The following YRDC variants were observed in gnomAD, a reference collection of about 807,000 sequenced individuals.
YRDC encodes threonylcarbamoyl-AMP synthase.
Under a neutral mutation model 21.5 loss-of-function variants are expected in YRDC, and 17 were observed. The observed-to-expected ratio is 0.79, with a 90% CI of 0.54 to 1.19. The LOEUF is 1.19. Ranked by LOEUF, YRDC falls within the 50% of genes most tolerant of loss-of-function variation. The probability of loss-of-function intolerance (pLI) is 0.00; values close to 1 mark genes in which losing one functional copy is unlikely to be tolerated. For missense variants in YRDC, 380 were observed against 397.1 expected (o/e 0.96, Z 0.37); for synonymous variants, 193 against 176.7 (o/e 1.09, Z -0.73).
rs1412130483 is a variant in YRDC, at chr1:37,803,154, T to G, written c.*771A>C. The G allele has an allele frequency of 6.6e-6, 1 of 152,218 alleles. No homozygotes were observed. Among genetic ancestry groups the G allele is most frequent in the Admixed American group, 6.5e-5 (1 of 15,278 alleles). The allele number at this position is 152,218 out of a possible 1,614,324, so 9.4% of individuals were successfully genotyped here. On this transcript the variant is annotated 3_prime_UTR_variant, in exon 5 of 5. Coordinates refer to ENST00000373044, the MANE Select transcript of YRDC (RefSeq NM_024640.4). Reference sequence around the variant, plus strand: ...AAAAGTCCCTGGCTATAAAGGATAGTGGAGGTTTATTTCCCAATATTCTTC... The same window carrying G: ...AAAAGTCCCTGGCTATAAAGGATAGGGGAGGTTTATTTCCCAATATTCTTC...
rs1350833638 is a variant in YRDC at position 37,806,990 on chromosome 1, G to A, written c.505-14C>T. 1.2e-6 allele frequency: 2 copies of A among 1,614,092 alleles called. No individual in the cohort carries two copies. The highest frequency in any genetic ancestry group is 1.7e-6 in the Non-Finnish European group (2 of 1,180,034). ...AATGCCTACAAGCTGTAAGGCAAGG[G>A]GAAAGGGATCATGAGAAAGGTTGGA... On this transcript the variant is annotated splice_polypyrimidine_tract_variant and intron_variant, in intron 2 of 4. Transcript: ENST00000373044.
In YRDC at chr1:37,807,028, G is replaced by A. The variant is rs566728131; in HGVS notation, c.505-52C>T. The A allele has an allele frequency of 6.2e-6, 10 of 1,613,932 alleles. No homozygotes were observed. The Admixed American group carries it at 8.3e-5, about 13-fold the overall frequency. On this transcript the variant is annotated intron_variant, in intron 2 of 4. Coordinates refer to ENST00000373044, the MANE Select transcript of YRDC (RefSeq NM_024640.4). ...GAGAAAGGTTGGAAGGGATAAGAGG[G>A]TAAGTCTTATCTGGATCCTAGTGAA... is the stretch of plus-strand genomic sequence containing the variant.
chr1:37,807,704 GCT>G, intron 1 of YRDC, 86 bp downstream of exon 1: 1 of 1,360,190 alleles, frequency 7.4e-7, no homozygotes, highest in Non-Finnish European at 9.5e-7. Flanking sequence ...AGCCCCTCCC[GCT>G]CTCTGCGCCT....
At chr1:37,806,690 T>A (rs537939862) in intron 3 of YRDC, among the ~76,000 whole-genome samples, 167 bp downstream of exon 3, 58 of 152,352 alleles carry the variant, frequency 3.8e-4, no homozygotes, top group South Asian at 3.3e-3. Context: ...CAAATTTTTT[T>A]AATTTATATT....
chr1:37,807,216 C>T lies in YRDC; in HGVS notation c.390-1G>A, dbSNP rs1402058416. 10 of 1,613,546 alleles carry T rather than the reference C, an allele frequency of 6.2e-6. No individual in the cohort carries two copies. The highest frequency in any genetic ancestry group is 7.6e-6 in the Non-Finnish European group (9 of 1,179,524). On this transcript the variant is annotated splice_acceptor_variant, in intron 1 of 4. Coordinates refer to ENST00000373044, the MANE Select transcript of YRDC (RefSeq NM_024640.4). LOFTEE classifies it high-confidence loss of function. ...CTCAGGTACTCTCACACGGCAGTAT[C>T]TGGGAAACACAGAAGAATAAATCCA...
intron 1 of YRDC, 80 bp from the exon 2 acceptor site, chr1:37,807,295 A>T (rs1413285556): frequency 7.6e-7 from 1 of 1,321,938 alleles, no homozygotes; most frequent in East Asian, 2.3e-5. Context: ...GCAGACGTAG[A>T]AAAGGAATCC....
In YRDC at chr1:37,808,093, C is replaced by A; in HGVS notation, c.88G>T (p.Gly30Cys). 7.2e-7 allele frequency: 1 copy of A among 1,391,352 alleles called. No individual in the cohort carries two copies. Among genetic ancestry groups the A allele is most frequent in the Non-Finnish European group, 9.3e-7 (1 of 1,076,560 alleles). The allele number at this position is 1,391,352 out of a possible 1,614,324, so 86.2% of individuals were successfully genotyped here. A position where few individuals can be genotyped will look rare whatever the true frequency, so the allele number is the denominator to read the frequency against. ...GGACTCGGCGGGCGGAAGAGGCGAC[C>A]GCTCCGGGAGCCAGCAGGCCCCTCG... ...LSEGPAGSRS[G>C]RLFRPPSPAP... Residue 30 changes from glycine (G) to cysteine (C), a missense_variant, in exon 1 of 5, where the codon GGT becomes TGT. Transcript: ENST00000373044.
At position 37,804,385 on chromosome 1, in the gene YRDC, A is replaced by G. The variant is rs1454463687; in HGVS notation, c.684T>C (p.Asp228=). The part of the protein sequence containing the change: ...SLVIDGGQIG[D]GQSPECRLGS... ...CAAGGCGACACTCGGGGCTCTGGCC[A>G]TCCCCAATTTGTCCCCCATCAATAA... Residue 228 remains aspartate (D), a synonymous_variant, in exon 4 of 5, where the codon GAT becomes GAC. Coordinates refer to ENST00000373044, the MANE Select transcript of YRDC (RefSeq NM_024640.4). The G allele has an allele frequency of 1.2e-6, 2 of 1,614,066 alleles. No homozygotes were observed. Among genetic ancestry groups the G allele is most frequent in the Admixed American group, 1.7e-5 (1 of 59,998 alleles).
chr1:37,807,942 C>T lies in YRDC; in HGVS notation c.239G>A (p.Gly80Asp). ...LRAAVAELRA[G>D]AVVAVPTDTL... ...ATCGGTGGGGACGGCCACCACGGCG[C>T]CGGCGCGCAGCTCGGCCACGGCGGC... Residue 80 changes from glycine to aspartate, a missense_variant, in exon 1 of 5, where the codon GGC becomes GAC. By Grantham distance (94) the Gly-to-Asp change is moderately conservative. This residue lies in a region of YRDC where 51 missense variants were observed against 95.9 expected (regional missense o/e 0.53). Coordinates refer to ENST00000373044, the MANE Select transcript of YRDC (RefSeq NM_024640.4). 8.1e-7 allele frequency: 1 copy of T among 1,235,884 alleles called. No homozygotes were observed. The highest frequency in any genetic ancestry group is 1.0e-6 in the Non-Finnish European group (1 of 989,494). 76.6% of individuals were successfully genotyped at this position (1,235,884 alleles called of 1,614,324 possible). A position where few individuals can be genotyped will look rare whatever the true frequency, so the allele number is the denominator to read the frequency against.
chr1:37,806,017 GTCC>G (rs1183830175), intron 3 of YRDC, among the ~76,000 whole-genome samples: 1 of 152,068 alleles, frequency 6.6e-6, no homozygotes, highest in African/African-American at 2.4e-5. Flanking sequence ...ATTTCTATGT[GTCC>G]TCCTTTGTTC....
At chr1:37,805,271 CAAAA>C (rs200159023) in intron 3 of YRDC, among the ~76,000 whole-genome samples, 1 of 151,108 alleles carries the variant, frequency 6.6e-6, no homozygotes, top group African/African-American at 2.4e-5. Flanking sequence ...CAAAACAAAA[CAAAA>C]AAAAACTAGG....
At chr1:37,807,291 G>A (rs777594369) in intron 1 of YRDC, 76 bp from the exon 2 acceptor site, 18 of 1,341,966 alleles carry the variant, frequency 1.3e-5, no homozygotes, top group Non-Finnish European at 1.5e-5. Context: ...CTAGGCAGAC[G>A]TAGAAAAGGA....
chr1:37,803,887 C>G lies in YRDC; in HGVS notation c.*38G>C, dbSNP rs755668390. The G allele has an allele frequency of 1.2e-6, 2 of 1,609,074 alleles. No individual in the cohort carries two copies. The highest frequency in any genetic ancestry group is 1.7e-6 in the Non-Finnish European group (2 of 1,176,128). On this transcript the variant is annotated 3_prime_UTR_variant, in exon 5 of 5. Transcript: ENST00000373044. ...TCGTCAGTGGACAGACACATAGTAT[C>G]CAGCACCAGGTCTTGGGCCTTCCTG...
intron 3 of YRDC, 102 bp from the exon 4 acceptor site, chr1:37,804,546 G>A (rs1646722772): frequency 2.9e-6 from 4 of 1,388,050 alleles, no homozygotes; most frequent in Admixed American, 5.0e-5. Context: ...TAAAACAGAA[G>A]GCACTTTCCT....
chr1:37,804,789 G>C (rs28639068), intron 3 of YRDC, among the ~76,000 whole-genome samples: 5 of 152,072 alleles, frequency 3.3e-5, no homozygotes, highest in African/African-American at 1.2e-4. Context: ...ACTTTCCATC[G>C]TATCTCCGTG....
chr1:37,804,075 T>C, intron 4 of YRDC, 78 bp from the exon 5 acceptor site: 1 of 1,563,664 alleles, frequency 6.4e-7, no homozygotes, highest in Non-Finnish European at 8.8e-7. Context: ...AGCAGGGACA[T>C]CGAAACTGGC....
At chr1:37,805,679 G>A (rs1264784993) in intron 3 of YRDC, among the ~76,000 whole-genome samples, 1 of 152,164 alleles carries the variant, frequency 6.6e-6, no homozygotes, top group African/African-American at 2.4e-5. Context: ...CCAGGACCAA[G>A]TCAAACCTGC....
chr1:37,808,099 G>A lies in YRDC; in HGVS notation c.82C>T (p.Arg28Trp), dbSNP rs773695207. 3 of 1,418,566 alleles carry A rather than the reference G, an allele frequency of 2.1e-6. No individual in the cohort carries two copies. Among genetic ancestry groups the A allele is most frequent in the South Asian group, 2.9e-5 (2 of 69,760 alleles). 87.9% of individuals were successfully genotyped at this position (1,418,566 alleles called of 1,614,324 possible). Residue 28 changes from arginine to tryptophan, a missense_variant, in exon 1 of 5, where the codon CGG becomes TGG. Arg to Trp is a moderately radical substitution (Grantham distance 101). Transcript: ENST00000373044. ...GGCGGGCGGAAGAGGCGACCGCTCC[G>A]GGAGCCAGCAGGCCCCTCGCTCAAC... ...VGLSEGPAGS[R>W]SGRLFRPPSP...
At chr1:37,804,520 A>C in intron 3 of YRDC, 76 bp from the exon 4 acceptor site, 1 of 1,527,266 alleles carries the variant, frequency 6.5e-7, no homozygotes, top group Non-Finnish European at 8.9e-7. Flanking sequence ...CGCAGTCATC[A>C]AAGGCCATAT....
Sources: allele counts gnomAD v4.1 joint callset (sites outside exome capture counted in the v4.1 genomes callset), GRCh38; gene constraint gnomAD v4.1.1; regional missense constraint gnomAD v4.1.1; transcripts MANE v1.5; gene names NCBI Gene and HGNC (gene_info 2026-07-23, HGNC 2026-07-21).